HIRA: variants seen among roughly 807,000 people sequenced by gnomAD.
The protein encoded by HIRA is histone cell cycle regulator.
HIRA carries 13 observed loss-of-function variants against 126.6 expected under a neutral mutation model. The observed-to-expected ratio is 0.10, with a 90% confidence interval of 0.07 to 0.16. The LOEUF (loss-of-function observed/expected upper bound fraction) is 0.16, where lower values mean the gene tolerates loss of function less well. Among genes scored for constraint, HIRA ranks in the 10% least tolerant of loss-of-function variants. The pLI is 1.00. For synonymous variants in HIRA, 511 were observed against 520.0 expected, an observed-to-expected ratio of 0.98 and a Z score of 0.24; for missense variants, 834 against 1,314.4, an observed-to-expected ratio of 0.63 and a Z score of 5.65.
At position 19,422,167 on chromosome 22, in the gene HIRA, T is replaced by TACACACACAC. The variant is rs1414193157; in HGVS notation, c.37+9272_37+9273insGTGTGTGTGT. Among the ~76,000 whole-genome samples, 241 of 56,230 alleles carry TACACACACAC rather than the reference T, an allele frequency of 4.3e-3. 1 individual carries two copies. Among genetic ancestry groups the TACACACACAC allele is most frequent in the African/African-American group, 0.021 (220 of 10,586 alleles). The allele number at this position is 56,230 out of a possible 152,430, so 36.9% of individuals were successfully genotyped here. A position where few individuals can be genotyped will look rare whatever the true frequency, so the allele number is the denominator to read the frequency against. ...TTTATACCTGAAAAGAATGTGTTTA[T>TACACACACAC]ATATACACACACACACACACACACA... On this transcript the variant is annotated intron_variant, in intron 1 of 24. Coordinates refer to ENST00000263208, the MANE Select transcript of HIRA (RefSeq NM_003325.4).
chr22:19,418,922 A>T (rs532450319), intron 1 of HIRA, among the ~76,000 whole-genome samples: 214 of 101,974 alleles, frequency 2.1e-3, no homozygotes, highest in Non-Finnish European at 3.3e-3. Flanking sequence ...TCGATAAGAA[A>T]TAAACACACA....
chr22:19,331,396 A>T lies in HIRA; in HGVS notation c.*44T>A, dbSNP rs1556004547. The stretch of plus-strand genomic sequence containing the variant: ...GGTCCTGCATGTCATCAGCGGCGAG[A>T]GTGTGGCCCTGCCCTTGCTGCAGCC... On this transcript the variant is annotated 3_prime_UTR_variant, in exon 25 of 25. Transcript: ENST00000263208. 6.2e-7 allele frequency: 1 copy of T among 1,612,246 alleles called. No individual in the cohort carries two copies. The highest frequency in any genetic ancestry group is 1.1e-5 in the South Asian group (1 of 91,046).
At chr22:19,372,183 T>TG (rs1171128427) in intron 15 of HIRA, among the ~76,000 whole-genome samples, 2 of 152,088 alleles carry the variant, frequency 1.3e-5, no homozygotes, top group African/African-American at 4.8e-5. Flanking sequence ...CTTCAAGACT[T>TG]AAGCATACTT....
intron 1 of HIRA, among the ~76,000 whole-genome samples, chr22:19,421,966 C>A (rs903985910): frequency 6.6e-6 from 1 of 152,050 alleles, no homozygotes; most frequent in African/African-American, 2.4e-5. Context: ...GCCACCATGC[C>A]CGGCCTGTTC....
chr22:19,389,660 G>C (rs529930908), intron 9 of HIRA, among the ~76,000 whole-genome samples: 16 of 152,148 alleles, frequency 1.1e-4, no homozygotes, highest in African/African-American at 3.9e-4. Flanking sequence ...TGTGCCTACA[G>C]ACCCCTCAGA....
intron 1 of HIRA, among the ~76,000 whole-genome samples, chr22:19,420,190 G>A (rs961900458): frequency 1.3e-5 from 2 of 152,036 alleles, no homozygotes; most frequent in South Asian, 4.1e-4. Context: ...GGGCGCAGTG[G>A]CTCACTCCTG....
At position 19,387,828 on chromosome 22, in the gene HIRA, G is replaced by A. The variant is rs773499570; in HGVS notation, c.1008-12C>T. The A allele has an allele frequency of 3.8e-6, 6 of 1,598,922 alleles. No homozygotes were observed. The South Asian group carries it at 5.6e-5, about 15-fold the overall frequency. On this transcript the variant is annotated splice_polypyrimidine_tract_variant and intron_variant, in intron 10 of 24. Coordinates refer to ENST00000263208, the MANE Select transcript of HIRA (RefSeq NM_003325.4). ...GCCCATTCAGAGTCCTGAAAGACAT[G>A]GCCATCAGCAGCCTGGTAGCAAGAG...
intron 15 of HIRA, among the ~76,000 whole-genome samples, chr22:19,374,355 G>A (rs2088997777): frequency 6.6e-6 from 1 of 152,088 alleles, no homozygotes; most frequent in Admixed American, 6.5e-5. Flanking sequence ...GTCTCACTAT[G>A]TTGCCCAGGC....
rs112226783 is a variant in HIRA at position 19,411,032 on chromosome 22, G to A, written c.38-254C>T. 4.2e-3 allele frequency among the ~76,000 whole-genome samples: 645 copies of A among 152,330 alleles called. 4 individuals are homozygous for A. Among genetic ancestry groups the A allele is most frequent in the African/African-American group, 0.015 (607 of 41,564 alleles). Reference sequence around the variant, plus strand: ...ATGAGCTGTTCATGATTGAAGTTCTGAGTCTCAGGTACTTAGTGAAAAGGG... The same window carrying A: ...ATGAGCTGTTCATGATTGAAGTTCTAAGTCTCAGGTACTTAGTGAAAAGGG... On this transcript the variant is annotated intron_variant, in intron 1 of 24. Coordinates refer to ENST00000263208, the MANE Select transcript of HIRA (RefSeq NM_003325.4).
intron 2 of HIRA, among the ~76,000 whole-genome samples, chr22:19,409,456 G>C (rs909490661): frequency 1.1e-4 from 17 of 152,020 alleles, no homozygotes; most frequent in African/African-American, 4.1e-4. Flanking sequence ...GCTAATTTTT[G>C]TATTTTTAGT....
intron 15 of HIRA, among the ~76,000 whole-genome samples, chr22:19,372,204 T>C (rs1203880218): frequency 6.6e-6 from 1 of 152,258 alleles, no homozygotes; most frequent in Non-Finnish European, 1.5e-5. Flanking sequence ...TATAGTGCCA[T>C]CTGACAATTC....
intron 5 of HIRA, among the ~76,000 whole-genome samples, chr22:19,405,020 T>C (rs1387682297): frequency 6.6e-6 from 1 of 152,164 alleles, no homozygotes; most frequent in Non-Finnish European, 1.5e-5. Context: ...TCCCTATCTC[T>C]TCCATGACAA....
intron 13 of HIRA, among the ~76,000 whole-genome samples, chr22:19,379,199 A>G (rs2089047280): frequency 6.6e-6 from 1 of 151,280 alleles, no homozygotes; most frequent in Non-Finnish European, 1.5e-5. Flanking sequence ...TTTTTAGTAG[A>G]GACGGGGTTT....
intron 18 of HIRA, among the ~76,000 whole-genome samples, chr22:19,358,876 T>G (rs1338480004): frequency 6.6e-6 from 1 of 152,142 alleles, no homozygotes; most frequent in Non-Finnish European, 1.5e-5. Flanking sequence ...AATCACTGAA[T>G]CAAGGTCCCC....
intron 15 of HIRA, among the ~76,000 whole-genome samples, chr22:19,374,604 T>C (rs1223559066): frequency 6.6e-6 from 1 of 152,148 alleles, no homozygotes; most frequent in Admixed American, 6.5e-5. Flanking sequence ...ATAAATCCTG[T>C]CCAGACATGC....
rs184722373 is a variant in HIRA, at chr22:19,417,400, G to A, written c.38-6622C>T. Among the ~76,000 whole-genome samples the A allele has an allele frequency of 4.8e-3, 729 of 151,730 alleles. 3 individuals carry two copies. Among genetic ancestry groups the A allele is most frequent in the Non-Finnish European group, 9.1e-3 (617 of 67,876 alleles). On this transcript the variant is annotated intron_variant, in intron 1 of 24. Transcript: ENST00000263208. ...GCACTTTGAGAGGCTAAGGTGGGTG[G>A]ATCAAGAGGTCAAGAGATCAAGACC...
intron 10 of HIRA, 29 bp downstream of exon 10, chr22:19,388,454 AC>A (rs1569303753): frequency 6.4e-7 from 1 of 1,555,552 alleles, no homozygotes; most frequent in Non-Finnish European, 8.9e-7. Context: ...TCCTTTCTTA[AC>A]CTATTCCTGT....
chr22:19,342,969 C>G (rs1330562799), intron 24 of HIRA, among the ~76,000 whole-genome samples: 1 of 152,012 alleles, frequency 6.6e-6, no homozygotes, highest in Non-Finnish European at 1.5e-5. Flanking sequence ...AGTTGGAGAC[C>G]ATTATTCTAA....
intron 24 of HIRA, among the ~76,000 whole-genome samples, chr22:19,339,229 G>A (rs1333513120): frequency 2.6e-5 from 4 of 152,080 alleles, no homozygotes; most frequent in Admixed American, 2.6e-4. Flanking sequence ...AAATCAAGAT[G>A]GAAATTAAAA....
Sources: gnomAD v4.1 joint callset for allele counts (sites outside exome capture counted in the v4.1 genomes callset) on GRCh38, gnomAD v4.1.1 for gene constraint, MANE v1.5 for transcripts, NCBI Gene and HGNC (gene_info 2026-07-23, HGNC 2026-07-21) for gene names.